Variants in ABLIM1 observed in about 807,000 individuals in gnomAD.
ABLIM1 encodes the protein actin-binding LIM protein 1.
In ABLIM1, 40 loss-of-function variants were observed where a neutral mutation model predicts 107.0. That is an observed-to-expected ratio of 0.37 (90% CI 0.29 to 0.49). The LOEUF is 0.49. Among genes scored for constraint, ABLIM1 ranks in the 20% least tolerant of loss-of-function variants. The probability of loss-of-function intolerance (pLI) is 0.97; values close to 1 mark genes in which losing one functional copy is unlikely to be tolerated. For synonymous variants in ABLIM1, 357 were observed against 357.3 expected, an observed-to-expected ratio of 1.00 and a Z score of 0.01; for missense variants, 857 against 1,008.5, an observed-to-expected ratio of 0.85 and a Z score of 2.04.
At chr10:114,561,481 G>A (rs2483556) in intron 4 of ABLIM1, among the ~76,000 whole-genome samples, 56,624 of 151,980 alleles carry the variant, frequency 0.37, 13,877 homozygotes, top group African/African-American at 0.7. Flanking sequence ...CATAGGGTGG[G>A]AAATACACTA....
intron 1 of ABLIM1, among the ~76,000 whole-genome samples, chr10:114,716,398 T>G (rs902395378): frequency 1.5e-5 from 2 of 137,890 alleles, no homozygotes; most frequent in Non-Finnish European, 3.1e-5. Context: ...TGTTCTCAAA[T>G]TGGTAGAGAG....
chr10:114,705,119 T>C (rs556368108), intron 1 of ABLIM1, among the ~76,000 whole-genome samples: 2 of 152,194 alleles, frequency 1.3e-5, no homozygotes, highest in South Asian at 2.1e-4. Flanking sequence ...GAAGTATCTG[T>C]TCAAGCTCCA....
chr10:114,728,433 C>A lies in ABLIM1; in HGVS notation c.-213+39628G>T, dbSNP rs1256389718. Among the ~76,000 whole-genome samples the A allele has an allele frequency of 4.9e-5, 7 of 144,014 alleles. No individual in the cohort carries two copies. The Admixed American group carries it at 5.1e-4, about 10-fold the overall frequency. 94.5% of individuals were successfully genotyped at this position (144,014 alleles called of 152,430 possible). A position where few individuals can be genotyped will look rare whatever the true frequency, so the allele number is the denominator to read the frequency against. ...TTGCATCATTATTGTAATGGCAAGACATTGAAGGGAGGGAGTATCTAAATA... is the reference window on the plus strand; with the variant it reads ...TTGCATCATTATTGTAATGGCAAGAAATTGAAGGGAGGGAGTATCTAAATA... On this transcript the variant is annotated intron_variant, in intron 1 of 15. Transcript: ENST00000651092.
intron 1 of ABLIM1, among the ~76,000 whole-genome samples, chr10:114,696,452 A>G (rs1186759869): frequency 1.3e-5 from 2 of 152,082 alleles, no homozygotes; most frequent in Non-Finnish European, 2.9e-5. Flanking sequence ...TCTTCTTATA[A>G]GGACACCATT....
chr10:114,440,633 T>C (rs966947722), intron 19 of ABLIM1, among the ~76,000 whole-genome samples: 2 of 152,058 alleles, frequency 1.3e-5, no homozygotes, highest in African/African-American at 2.4e-5. Flanking sequence ...TTGTTGTTTT[T>C]GTTGTTGTTG....
chr10:114,780,757 G>T, the ABLIM1 span, among the ~76,000 whole-genome samples: 1 of 152,120 alleles, frequency 6.6e-6, no homozygotes, highest in Non-Finnish European at 1.5e-5. Context: ...CTTCTCTTAG[G>T]TTGTTCTTTT....
the ABLIM1 span, among the ~76,000 whole-genome samples, chr10:114,780,374 C>G: frequency 8.7e-3 from 1,331 of 152,288 alleles, 18 homozygotes; most frequent in African/African-American, 0.03. Flanking sequence ...CAGGCAACAA[C>G]TCAATCTGTA....
chr10:114,432,317 A>G lies in ABLIM1; in HGVS notation c.*3943T>C, dbSNP rs780042442. 1 of 152,236 alleles carries G rather than the reference A, an allele frequency of 6.6e-6. No individual in the cohort carries two copies. The highest frequency in any genetic ancestry group is 1.5e-5 in the Non-Finnish European group (1 of 68,036). 9.4% of individuals were successfully genotyped at this position (152,236 alleles called of 1,614,324 possible). ...AAACTGAGATTGCTTCAGAGGACAC[A>G]GGAGGGTTGATGAGACAGTCTATTT... On this transcript the variant is annotated 3_prime_UTR_variant, in exon 23 of 23. Transcript: ENST00000533213.
intron 1 of ABLIM1, among the ~76,000 whole-genome samples, chr10:114,611,409 G>A (rs144262217): frequency 0.03 from 4,565 of 151,388 alleles, 222 homozygotes; most frequent in African/African-American, 0.098. Context: ...GGAGGCAGAG[G>A]TTGCTGAGCT....
intron 1 of ABLIM1, among the ~76,000 whole-genome samples, chr10:114,718,767 G>A (rs556992895): frequency 5.9e-5 from 9 of 152,218 alleles, no homozygotes; most frequent in South Asian, 2.1e-4. Context: ...ATCTGGCTTC[G>A]TATCACTCAA....
chr10:114,660,628 T>G (rs1190724539), upstream of ABLIM1, among the ~76,000 whole-genome samples: 1 of 152,232 alleles, frequency 6.6e-6, no homozygotes, highest in African/African-American at 2.4e-5. Context: ...AACATCGTAG[T>G]GTGGGAACCC....
chr10:114,474,807 A>G (rs58328802), intron 8 of ABLIM1, among the ~76,000 whole-genome samples: 4,325 of 152,300 alleles, frequency 0.028, 210 homozygotes, highest in African/African-American at 0.099. Flanking sequence ...TGTCAAGGAT[A>G]GGTCCAGGTG....
intron 1 of ABLIM1, among the ~76,000 whole-genome samples, chr10:114,754,917 T>C (rs2082596212): frequency 6.6e-6 from 1 of 152,244 alleles, no homozygotes; most frequent in East Asian, 1.9e-4. Flanking sequence ...CTTTTTTTCC[T>C]GTGGTAAAGG....
At chr10:114,493,518 A>T (rs1211092518) in intron 6 of ABLIM1, among the ~76,000 whole-genome samples, 1 of 152,240 alleles carries the variant, frequency 6.6e-6, no homozygotes, top group Non-Finnish European at 1.5e-5. Flanking sequence ...ATCATTCTAC[A>T]TCATTTTCCT....
At chr10:114,603,374 T>C (rs1053469385) in intron 1 of ABLIM1, among the ~76,000 whole-genome samples, 3 of 152,150 alleles carry the variant, frequency 2.0e-5, no homozygotes, top group Non-Finnish European at 4.4e-5. Context: ...AGATTCTGAC[T>C]AGGAGCAGGT....
intron 6 of ABLIM1, among the ~76,000 whole-genome samples, chr10:114,517,255 A>C (rs2062989502): frequency 6.6e-6 from 1 of 152,164 alleles, no homozygotes; most frequent in Admixed American, 6.5e-5. Context: ...ATCCAATGAC[A>C]AGTCTTTACA....
intron 1 of ABLIM1, among the ~76,000 whole-genome samples, chr10:114,642,724 G>A (rs1430557366): frequency 6.6e-6 from 1 of 152,138 alleles, no homozygotes. Flanking sequence ...ATTTGATACA[G>A]AATGCTGACT....
At chr10:114,494,697 AAAT>A (rs2135281558) in intron 6 of ABLIM1, among the ~76,000 whole-genome samples, 1 of 152,358 alleles carries the variant, frequency 6.6e-6, no homozygotes, top group East Asian at 1.9e-4. Flanking sequence ...TACCAAGAGA[AAAT>A]AATCAAGTGG....
At chr10:114,476,536 T>C (rs1165744583) in intron 8 of ABLIM1, among the ~76,000 whole-genome samples, 2 of 151,702 alleles carry the variant, frequency 1.3e-5, no homozygotes, top group Non-Finnish European at 2.9e-5. Flanking sequence ...CCCAGCTACT[T>C]GGGAGGCTGA....
Sources: allele counts gnomAD v4.1 joint callset (sites outside exome capture counted in the v4.1 genomes callset), GRCh38; gene constraint gnomAD v4.1.1; transcripts MANE v1.5; gene names NCBI Gene and HGNC (gene_info 2026-07-23, HGNC 2026-07-21).